ATRN: variants seen among roughly 807,000 people sequenced by gnomAD.
The protein encoded by ATRN is attractin-2.
In ATRN, 54 loss-of-function variants were observed where a neutral mutation model predicts 178.7. That is an observed-to-expected ratio of 0.30 (90% CI 0.24 to 0.38). The LOEUF (loss-of-function observed/expected upper bound fraction) is 0.38, where lower values mean the gene tolerates loss of function less well. Among genes scored for constraint, ATRN ranks in the 10% least tolerant of loss-of-function variants. The probability of loss-of-function intolerance (pLI) is 1.00; values close to 1 mark genes in which losing one functional copy is unlikely to be tolerated. For synonymous variants in ATRN, 636 were observed against 663.0 expected (o/e 0.96, Z 0.63); for missense variants, 1,443 against 1,815.1 (o/e 0.79, Z 3.73).
In ATRN at chr20:3,541,076, A is replaced by ATTTTTTTTTTT. The variant is rs1331876349; in HGVS notation, c.608+750_608+760dup. Among the ~76,000 whole-genome samples, 113 of 119,026 alleles carry ATTTTTTTTTTT rather than the reference A, an allele frequency of 9.5e-4. 1 individual carries two copies. Among genetic ancestry groups the ATTTTTTTTTTT allele is most frequent in the Non-Finnish European group, 1.6e-3 (87 of 55,436 alleles). The allele number at this position is 119,026 out of a possible 152,430, so 78.1% of individuals were successfully genotyped here. On this transcript the variant is annotated intron_variant, in intron 3 of 28. Coordinates refer to ENST00000262919, the MANE Select transcript of ATRN (RefSeq NM_139321.3). Reference sequence around the variant, plus strand: ...TTTTCTTCCTTTTACATGATAGAGGATTTTTTTTTTTTTTTTTTTGAGACG... The same window carrying ATTTTTTTTTTT: ...TTTTCTTCCTTTTACATGATAGAGGATTTTTTTTTTTTTTTTTTTTTTTTTTTTTTGAGACG...
At chr20:3,604,389 G>A in intron 24 of ATRN, 127 bp downstream of exon 24, 1 of 1,091,648 alleles carries the variant, frequency 9.2e-7, no homozygotes, top group Middle Eastern at 3.1e-4. Context: ...TAACGTGTAT[G>A]GCAGAGGAGT....
intron 3 of ATRN, among the ~76,000 whole-genome samples, chr20:3,542,366 T>C (rs1393128675): frequency 1.3e-5 from 2 of 152,158 alleles, no homozygotes; most frequent in Non-Finnish European, 2.9e-5. Context: ...CAGGTATACA[T>C]CACTCTGTGG....
intron 3 of ATRN, among the ~76,000 whole-genome samples, chr20:3,542,141 T>G (rs1357370880): frequency 6.6e-6 from 1 of 152,234 alleles, no homozygotes; most frequent in African/African-American, 2.4e-5. Context: ...AGTGTTGGAG[T>G]GTATATGTTT....
At chr20:3,482,376 T>G (rs528265750) in intron 1 of ATRN, among the ~76,000 whole-genome samples, 1 of 152,336 alleles carries the variant, frequency 6.6e-6, no homozygotes, top group South Asian at 2.1e-4. Flanking sequence ...TCCTAATGTT[T>G]GATATTCATA....
chr20:3,633,107 C>T (rs1453572193), intron 25 of ATRN, among the ~76,000 whole-genome samples: 2 of 152,112 alleles, frequency 1.3e-5, no homozygotes, highest in Admixed American at 1.3e-4. Context: ...TGCACTCCAG[C>T]CTGGGTGACA....
At chr20:3,633,122 G>A (rs906879462) in intron 25 of ATRN, among the ~76,000 whole-genome samples, 2 of 150,712 alleles carry the variant, frequency 1.3e-5, no homozygotes, top group Non-Finnish European at 2.9e-5. Context: ...GTGACAGAGC[G>A]AGACTGTGTC....
At chr20:3,527,621 CAT>C (rs2085385740) in intron 1 of ATRN, among the ~76,000 whole-genome samples, 1 of 152,190 alleles carries the variant, frequency 6.6e-6, no homozygotes, top group African/African-American at 2.4e-5. Context: ...CACATGCACA[CAT>C]ATGTTTATTG....
intron 1 of ATRN, among the ~76,000 whole-genome samples, chr20:3,485,541 C>T (rs1271852464): frequency 6.7e-6 from 1 of 150,262 alleles, no homozygotes; most frequent in Non-Finnish European, 1.5e-5. Flanking sequence ...CTGAGTTGAA[C>T]CCATTTTGGC....
intron 14 of ATRN, among the ~76,000 whole-genome samples, chr20:3,578,113 C>T (rs1277801145): frequency 6.6e-6 from 1 of 152,206 alleles, no homozygotes; most frequent in East Asian, 1.9e-4. Flanking sequence ...ATGCTTTGTA[C>T]ACTTGATTGT....
chr20:3,585,424 T>C (rs1388276147), intron 18 of ATRN, among the ~76,000 whole-genome samples: 1 of 152,162 alleles, frequency 6.6e-6, no homozygotes, highest in Non-Finnish European at 1.5e-5. Context: ...AAAGTGGTTA[T>C]TGGAGATAAA....
intron 1 of ATRN, among the ~76,000 whole-genome samples, chr20:3,472,049 G>A (rs1356525670): frequency 1.3e-5 from 2 of 152,192 alleles, no homozygotes; most frequent in African/African-American, 4.8e-5. Context: ...AGGACCAGTG[G>A]TCCTTCTAAA....
intron 1 of ATRN, among the ~76,000 whole-genome samples, chr20:3,485,861 C>T (rs1187460885): frequency 2.6e-5 from 4 of 151,828 alleles, no homozygotes; most frequent in African/African-American, 9.7e-5. Context: ...ACCTCATAAT[C>T]CTCCTGCCTC....
At chr20:3,489,890 G>GT (rs35897642) in intron 1 of ATRN, 1 of 1,288,964 alleles carries the variant, frequency 7.8e-7, no homozygotes, top group Non-Finnish European at 1.1e-6. Flanking sequence ...CAAGTGGCAG[G>GT]TTTTTGGGGT....
At chr20:3,509,394 T>C (rs765630979) in intron 1 of ATRN, among the ~76,000 whole-genome samples, 2 of 152,138 alleles carry the variant, frequency 1.3e-5, no homozygotes, top group African/African-American at 4.8e-5. Context: ...TTCATAATGA[T>C]GAAAGCACAG....
intron 24 of ATRN, among the ~76,000 whole-genome samples, chr20:3,614,856 G>C (rs767398967): frequency 6.6e-6 from 1 of 151,952 alleles, no homozygotes; most frequent in African/African-American, 2.4e-5. Context: ...TGCCTATTCT[G>C]GACATTTTAT....
intron 14 of ATRN, among the ~76,000 whole-genome samples, chr20:3,577,550 C>G (rs556948649): frequency 9.9e-5 from 15 of 152,248 alleles, no homozygotes; most frequent in African/African-American, 3.6e-4. Context: ...ATATTTGGAC[C>G]AGGGTGGTCC....
chr20:3,584,548 T>G, intron 17 of ATRN, 99 bp from the exon 18 acceptor site: 1 of 820,550 alleles, frequency 1.2e-6, no homozygotes, highest in Non-Finnish European at 1.9e-6. Context: ...GAATAATATT[T>G]TTGACTCAAG....
intron 1 of ATRN, among the ~76,000 whole-genome samples, chr20:3,472,029 T>C (rs2084436667): frequency 6.6e-6 from 1 of 152,044 alleles, no homozygotes. Context: ...TGTAAGATAT[T>C]AGGGATAGAA....
intron 18 of ATRN, among the ~76,000 whole-genome samples, chr20:3,585,330 A>G (rs1802880823): frequency 1.3e-5 from 2 of 152,244 alleles, no homozygotes; most frequent in African/African-American, 2.4e-5. Context: ...CCTGCACTGC[A>G]TGTAACAACT....
Sources: gnomAD v4.1 joint callset for allele counts (sites outside exome capture counted in the v4.1 genomes callset) on GRCh38, gnomAD v4.1.1 for gene constraint, MANE v1.5 for transcripts, NCBI Gene and HGNC (gene_info 2026-07-23, HGNC 2026-07-21) for gene names.